CNTNAP2: variants seen among roughly 807,000 people sequenced by gnomAD.
The protein encoded by CNTNAP2 is contactin-associated protein-like 2.
In CNTNAP2, 98 loss-of-function variants were observed where a neutral mutation model predicts 155.2. The observed-to-expected ratio is 0.63, with a 90% confidence interval of 0.54 to 0.75. The LOEUF is 0.75. Ranked by LOEUF, CNTNAP2 falls within the 30% of genes least tolerant of loss-of-function variation. The pLI is 0.00. For missense variants in CNTNAP2, 1,727 were observed against 1,688.1 expected (o/e 1.02, Z -0.40); for synonymous variants, 651 against 631.2 (o/e 1.03, Z -0.47).
At chr7:147,114,356 G>C (rs951140789) in intron 5 of CNTNAP2, among the ~76,000 whole-genome samples, 1 of 152,114 alleles carries the variant, frequency 6.6e-6, no homozygotes, top group East Asian at 1.9e-4. Context: ...TTCAAGTCCT[G>C]GATGTCTTTG....
intron 11 of CNTNAP2, among the ~76,000 whole-genome samples, chr7:147,516,767 T>C: frequency 6.6e-6 from 1 of 151,908 alleles, no homozygotes; most frequent in Non-Finnish European, 1.5e-5. Flanking sequence ...TCTAGTTCTC[T>C]ATGTCAATCA....
chr7:146,163,736 GA>G (rs978948791), intron 1 of CNTNAP2, among the ~76,000 whole-genome samples: 5 of 147,728 alleles, frequency 3.4e-5, no homozygotes, highest in East Asian at 2.0e-4. Context: ...TAAAAAAAAA[GA>G]AAAAAAAAGA....
chr7:147,734,015 C>G (rs151000003), intron 13 of CNTNAP2, among the ~76,000 whole-genome samples: 28,350 of 152,084 alleles, frequency 0.19, 3,043 homozygotes, highest in Middle Eastern at 0.39. Flanking sequence ...ATTTCTTTCT[C>G]CTGCCTGACT....
chr7:146,821,231 C>T (rs531501834), intron 2 of CNTNAP2, among the ~76,000 whole-genome samples: 6,902 of 152,066 alleles, frequency 0.045, 498 homozygotes, highest in African/African-American at 0.16. Flanking sequence ...TTATTTTGCT[C>T]GTTAGTTGAT....
At chr7:147,994,277 A>G (rs1319213930) in intron 15 of CNTNAP2, among the ~76,000 whole-genome samples, 1 of 151,762 alleles carries the variant, frequency 6.6e-6, no homozygotes, top group African/African-American at 2.4e-5. Context: ...AGGCTGAGGC[A>G]GGAGGATCAC....
intron 8 of CNTNAP2, among the ~76,000 whole-genome samples, chr7:147,139,376 G>T (rs1486290747): frequency 6.6e-6 from 1 of 152,022 alleles, no homozygotes; most frequent in Admixed American, 6.6e-5. Flanking sequence ...TTGCAATTGC[G>T]TGTCTAATTT....
At position 146,985,818 on chromosome 7, in the gene CNTNAP2, T is replaced by A. The variant is rs1435161052; in HGVS notation, c.403-58089T>A. 2.0e-5 allele frequency among the ~76,000 whole-genome samples: 3 copies of A among 152,258 alleles called. No individual in the cohort carries two copies. In the East Asian group the frequency reaches 5.8e-4, roughly 29 times the overall value. On this transcript the variant is annotated intron_variant, in intron 3 of 23. Transcript: ENST00000361727. ...TTCTTCTGGACAACATTAAAGCTAT[T>A]AAACAATGCCATTGGCCAACTATCA...
At chr7:148,236,252 C>T (rs1233574997) in intron 20 of CNTNAP2, among the ~76,000 whole-genome samples, 1 of 152,148 alleles carries the variant, frequency 6.6e-6, no homozygotes, top group Non-Finnish European at 1.5e-5. Context: ...GTAATGGCAG[C>T]TACTTTGGGG....
At chr7:147,185,864 C>A (rs1802555385) in intron 8 of CNTNAP2, among the ~76,000 whole-genome samples, 1 of 152,158 alleles carries the variant, frequency 6.6e-6, no homozygotes, top group African/African-American at 2.4e-5. Context: ...GAGTAAATCT[C>A]ATGATATCTG....
At chr7:148,220,308 T>C (rs987490440) in intron 19 of CNTNAP2, among the ~76,000 whole-genome samples, 10 of 152,330 alleles carry the variant, frequency 6.6e-5, no homozygotes, top group Middle Eastern at 3.4e-3. Flanking sequence ...TTCACCGTGT[T>C]AGCCAGGATG....
At position 148,415,991 on chromosome 7, in the gene CNTNAP2, A is replaced by AT. The variant is rs925791050; in HGVS notation, c.*383dup. 24 of 238,524 alleles carry AT rather than the reference A, an allele frequency of 1.0e-4. No individual in the cohort carries two copies. The highest frequency in any genetic ancestry group is 2.3e-4 in the African/African-American group (10 of 44,018). 14.8% of individuals were successfully genotyped at this position (238,524 alleles called of 1,614,324 possible). ...TTTTAAGAGCCCTTAGAACGTGGGT[A>AT]TTTTTTTTCTTGAGAAAAGCTAATG... On this transcript the variant is annotated 3_prime_UTR_variant, in exon 24 of 24. Transcript: ENST00000361727.
At chr7:147,431,527 A>G (rs1473936414) in intron 10 of CNTNAP2, among the ~76,000 whole-genome samples, 1 of 152,172 alleles carries the variant, frequency 6.6e-6, no homozygotes, top group Non-Finnish European at 1.5e-5. Flanking sequence ...AAAGACTTGT[A>G]CAAGAGTTGT....
chr7:146,413,137 C>T (rs1246264994), intron 1 of CNTNAP2, among the ~76,000 whole-genome samples: 1 of 152,186 alleles, frequency 6.6e-6, no homozygotes, highest in African/African-American at 2.4e-5. Context: ...AGACATGAGA[C>T]TTCTCTAGTA....
chr7:146,499,217 C>T (rs1279009497), intron 1 of CNTNAP2, among the ~76,000 whole-genome samples: 3 of 152,220 alleles, frequency 2.0e-5, no homozygotes, highest in Admixed American at 1.3e-4. Flanking sequence ...GAGTTTTGCT[C>T]TCTTGCCCAG....
intron 1 of CNTNAP2, among the ~76,000 whole-genome samples, chr7:146,596,339 C>G (rs993483108): frequency 4.0e-5 from 6 of 151,536 alleles, no homozygotes; most frequent in African/African-American, 1.5e-4. Flanking sequence ...CAAGGACACC[C>G]AGAAGCACAA....
intron 18 of CNTNAP2, among the ~76,000 whole-genome samples, chr7:148,205,850 C>T (rs1258423696): frequency 1.3e-5 from 2 of 152,186 alleles, no homozygotes; most frequent in African/African-American, 4.8e-5. Context: ...GGATTAGACA[C>T]AGTTCTTCCT....
At chr7:146,990,249 CAATG>C (rs1419433935) in intron 3 of CNTNAP2, among the ~76,000 whole-genome samples, 1 of 152,082 alleles carries the variant, frequency 6.6e-6, no homozygotes, top group Non-Finnish European at 1.5e-5. Context: ...CTCAATCATT[CAATG>C]AATGAGTTGC....
intron 15 of CNTNAP2, among the ~76,000 whole-genome samples, chr7:148,063,439 CT>C (rs1207621383): frequency 9.2e-5 from 14 of 151,756 alleles, no homozygotes; most frequent in African/African-American, 3.4e-4. Context: ...GTGCTCTTTC[CT>C]TTTTTCTTTT....
At chr7:147,200,756 G>C (rs1368874828) in intron 8 of CNTNAP2, among the ~76,000 whole-genome samples, 4 of 152,186 alleles carry the variant, frequency 2.6e-5, no homozygotes, top group Admixed American at 1.3e-4. Context: ...GTATGCAGGA[G>C]GGAGGAATTC....
Sources: allele counts gnomAD v4.1 joint callset (sites outside exome capture counted in the v4.1 genomes callset), GRCh38; gene constraint gnomAD v4.1.1; transcripts MANE v1.5; gene names NCBI Gene and HGNC (gene_info 2026-07-23, HGNC 2026-07-21).